CSMD1: variants seen among roughly 807,000 people sequenced by gnomAD.
CSMD1 encodes CUB and Sushi multiple domains 1, also known as CUB and sushi domain-containing protein 1.
A neutral mutation model predicts 417.5 loss-of-function variants in CSMD1; 213 were observed. That is an observed-to-expected ratio of 0.51 (90% CI 0.46 to 0.57). The LOEUF (loss-of-function observed/expected upper bound fraction) is 0.57, where lower values mean the gene tolerates loss of function less well. Ranked by LOEUF, CSMD1 falls within the 20% of genes least tolerant of loss-of-function variation. The probability of loss-of-function intolerance (pLI) is 0.00; values close to 1 mark genes in which losing one functional copy is unlikely to be tolerated. For missense variants in CSMD1, 6,923 were observed against 4,529.7 expected, an observed-to-expected ratio of 1.53 and a Z score of -15.17; for synonymous variants, 2,862 against 1,736.8, an observed-to-expected ratio of 1.65 and a Z score of -16.11.
intron 10 of CSMD1, among the ~76,000 whole-genome samples, chr8:3,553,883 T>C (rs573979808): frequency 1.2e-4 from 19 of 152,254 alleles, no homozygotes; most frequent in African/African-American, 4.3e-4. Context: ...CACATACATA[T>C]CCACAACAGT....
chr8:3,734,489 T>A (rs2129048566), intron 6 of CSMD1, among the ~76,000 whole-genome samples: 1 of 152,286 alleles, frequency 6.6e-6, no homozygotes, highest in South Asian at 2.1e-4. Context: ...GGTGGGTGGA[T>A]CCCTTGACGT....
intron 3 of CSMD1, among the ~76,000 whole-genome samples, chr8:4,102,112 A>C (rs551150745): frequency 1.3e-5 from 2 of 152,216 alleles, no homozygotes; most frequent in African/African-American, 4.8e-5. Flanking sequence ...CATTGAAACA[A>C]ATAAGAAATA....
At position 3,913,718 on chromosome 8, in the gene CSMD1, G is replaced by C. The variant is rs548697768; in HGVS notation, c.818+84185C>G. Reference sequence around the variant, plus strand: ...AGGAAGTTTAGATGGAAGCATGCAGGGAAGGCAGGAGTGGGGAAGGAATGT... The same window carrying C: ...AGGAAGTTTAGATGGAAGCATGCAGCGAAGGCAGGAGTGGGGAAGGAATGT... On this transcript the variant is annotated intron_variant, in intron 5 of 69. Transcript: ENST00000635120. Among the ~76,000 whole-genome samples the C allele has an allele frequency of 5.9e-5, 9 of 152,192 alleles. No individual in the cohort carries two copies. The East Asian group carries it at 1.7e-3, about 30-fold the overall frequency.
At chr8:3,117,216 G>A (rs1045073152) in intron 42 of CSMD1, among the ~76,000 whole-genome samples, 1 of 152,010 alleles carries the variant, frequency 6.6e-6, no homozygotes, top group Non-Finnish European at 1.5e-5. Context: ...GACTACAGGT[G>A]CCCACCACCA....
chr8:4,109,946 G>C (rs1484120206), intron 3 of CSMD1, among the ~76,000 whole-genome samples: 1 of 152,062 alleles, frequency 6.6e-6, no homozygotes, highest in African/African-American at 2.4e-5. Context: ...ATGACAATTT[G>C]GTGAATAATA....
At chr8:4,428,474 A>G (rs908014689) in intron 2 of CSMD1, among the ~76,000 whole-genome samples, 2 of 152,188 alleles carry the variant, frequency 1.3e-5, no homozygotes, top group Non-Finnish European at 2.9e-5. Flanking sequence ...TGGAGTAAAA[A>G]GGCTGCATGC....
chr8:3,174,225 G>A (rs1165351090), intron 37 of CSMD1, among the ~76,000 whole-genome samples: 2 of 152,180 alleles, frequency 1.3e-5, no homozygotes, highest in South Asian at 2.1e-4. Context: ...CAGGCACAGT[G>A]GCTCAAGCCT....
At chr8:3,236,311 T>C (rs577870488) in intron 26 of CSMD1, among the ~76,000 whole-genome samples, 6 of 152,260 alleles carry the variant, frequency 3.9e-5, no homozygotes, top group Non-Finnish European at 8.8e-5. Flanking sequence ...AAAATTGCCA[T>C]AAACTACTAA....
chr8:3,411,710 G>A (rs1439778910), intron 12 of CSMD1, among the ~76,000 whole-genome samples: 53 of 118,450 alleles, frequency 4.5e-4, no homozygotes, highest in African/African-American at 1.6e-3. Flanking sequence ...ATATATACAC[G>A]TATATATACA....
At chr8:3,938,146 A>G (rs994554335) in intron 5 of CSMD1, among the ~76,000 whole-genome samples, 1 of 152,156 alleles carries the variant, frequency 6.6e-6, no homozygotes, top group Non-Finnish European at 1.5e-5. Flanking sequence ...ATATTTTATT[A>G]ATTTCTGGTA....
chr8:4,386,848 A>C (rs1046601933), intron 3 of CSMD1, among the ~76,000 whole-genome samples: 8 of 152,262 alleles, frequency 5.3e-5, no homozygotes, highest in African/African-American at 1.4e-4. Flanking sequence ...AGACCACAGC[A>C]GCAAATGTTG....
At chr8:4,627,369 C>G (rs536080679) in intron 2 of CSMD1, among the ~76,000 whole-genome samples, 29 of 152,086 alleles carry the variant, frequency 1.9e-4, no homozygotes, top group Non-Finnish European at 3.5e-4. Flanking sequence ...ATTTATAGCT[C>G]TTTATTGCAT....
Position 3,187,643 on chromosome 8 carries a change from T to G in CSMD1, c.5620+226A>C, listed in dbSNP as rs1011250588. The stretch of plus-strand genomic sequence containing the variant: ...TGCCGCATGTCAAAGCTCTGCTATC[T>G]GACACTTTTAGATTGGTCTCCTCCT... On this transcript the variant is annotated intron_variant, in intron 36 of 69. Coordinates refer to ENST00000635120, the MANE Select transcript of CSMD1 (RefSeq NM_033225.6). Among the ~76,000 whole-genome samples the G allele has an allele frequency of 5.3e-5, 8 of 152,168 alleles. No homozygotes were observed. In the East Asian group the frequency reaches 1.5e-3, roughly 29 times the overall value.
intron 3 of CSMD1, among the ~76,000 whole-genome samples, chr8:4,129,489 A>T (rs945696456): frequency 4.6e-5 from 7 of 152,190 alleles, no homozygotes; most frequent in African/African-American, 1.7e-4. Context: ...TATTGTGAAA[A>T]AGTCTAGGAG....
intron 2 of CSMD1, among the ~76,000 whole-genome samples, chr8:4,447,210 A>T (rs1053996177): frequency 1.3e-5 from 2 of 152,230 alleles, no homozygotes; most frequent in Non-Finnish European, 2.9e-5. Context: ...GGGAAAACAA[A>T]TATACATGAC....
intron 3 of CSMD1, among the ~76,000 whole-genome samples, chr8:4,391,921 G>C (rs536556973): frequency 1.3e-5 from 2 of 152,164 alleles, no homozygotes; most frequent in Admixed American, 6.6e-5. Flanking sequence ...AGAACCCTGA[G>C]GCTCCCATGA....
At chr8:4,345,678 G>T (rs970283724) in intron 3 of CSMD1, among the ~76,000 whole-genome samples, 1 of 152,066 alleles carries the variant, frequency 6.6e-6, no homozygotes, top group South Asian at 2.1e-4. Context: ...CTCAAGATAT[G>T]AAATGGCCAT....
chr8:4,010,461 C>G (rs1002748521), intron 4 of CSMD1, among the ~76,000 whole-genome samples: 2 of 152,104 alleles, frequency 1.3e-5, no homozygotes, highest in Non-Finnish European at 2.9e-5. Context: ...AAAACATAAC[C>G]TCTTTGATTA....
chr8:4,837,908 A>C (rs1800596940), intron 1 of CSMD1, among the ~76,000 whole-genome samples: 1 of 152,098 alleles, frequency 6.6e-6, no homozygotes, highest in South Asian at 2.1e-4. Context: ...ATTAAAAAAA[A>C]ATAAAAATAA....
Sources: allele counts gnomAD v4.1 joint callset (sites outside exome capture counted in the v4.1 genomes callset), GRCh38; gene constraint gnomAD v4.1.1; transcripts MANE v1.5; gene names NCBI Gene and HGNC (gene_info 2026-07-23, HGNC 2026-07-21).